Variants in NCKAP5L observed in about 807,000 individuals in gnomAD.
NCKAP5L encodes nck-associated protein 5-like.
NCKAP5L carries 54 observed loss-of-function variants against 103.2 expected under a neutral mutation model. The ratio of observed to expected loss-of-function variants is 0.52; its 90% CI spans 0.42 to 0.66. The LOEUF (loss-of-function observed/expected upper bound fraction) is 0.66. Ranked by LOEUF, NCKAP5L falls within the 30% of genes least tolerant of loss-of-function variation. The pLI, the probability that NCKAP5L is intolerant of heterozygous loss-of-function variation, is 0.00. For missense variants in NCKAP5L, 1,733 were observed against 1,750.6 expected (o/e 0.99, Z 0.18); for synonymous variants, 762 against 748.6 (o/e 1.02, Z -0.29).
intron 1 of NCKAP5L, among the ~76,000 whole-genome samples, chr12:49,827,716 G>C (rs1946434494): frequency 6.6e-6 from 1 of 152,234 alleles, no homozygotes. Context: ...CAGCCCACCA[G>C]GTCCTTCCTC....
intron 1 of NCKAP5L, among the ~76,000 whole-genome samples, chr12:49,812,803 C>T (rs2137028597): frequency 6.6e-6 from 1 of 152,300 alleles, no homozygotes; most frequent in East Asian, 1.9e-4. Context: ...TTGCTATGAT[C>T]ATTTATGTAG....
chr12:49,800,916 G>A (rs1946111361), intron 6 of NCKAP5L, among the ~76,000 whole-genome samples: 1 of 152,192 alleles, frequency 6.6e-6, no homozygotes, highest in Non-Finnish European at 1.5e-5. Context: ...TTGGGCCTCC[G>A]GGGATTCCAG....
At chr12:49,809,887 C>T (rs1223792472) in intron 1 of NCKAP5L, among the ~76,000 whole-genome samples, 1 of 152,130 alleles carries the variant, frequency 6.6e-6, no homozygotes, top group South Asian at 2.1e-4. Flanking sequence ...ACAACTGGTA[C>T]TGGAGACACA....
intron 1 of NCKAP5L, among the ~76,000 whole-genome samples, chr12:49,810,463 T>G (rs991805357): frequency 6.6e-6 from 1 of 152,142 alleles, no homozygotes; most frequent in Admixed American, 6.5e-5. Context: ...GCCAAGTGGT[T>G]GTTGTTCTGC....
chr12:49,798,698 C>T (rs1036657678), intron 6 of NCKAP5L, among the ~76,000 whole-genome samples: 2 of 152,194 alleles, frequency 1.3e-5, no homozygotes, highest in Admixed American at 6.5e-5. Context: ...TTTGGAGAAA[C>T]ATGAATGTCC....
At chr12:49,798,858 T>C (rs888302275) in intron 6 of NCKAP5L, among the ~76,000 whole-genome samples, 2 of 152,194 alleles carry the variant, frequency 1.3e-5, no homozygotes, top group Non-Finnish European at 2.9e-5. Context: ...CTGAGGATCA[T>C]AGGGACAGCT....
chr12:49,793,980 TTAGG>T, intron 8 of NCKAP5L, 84 bp from the exon 9 acceptor site: 1 of 1,265,824 alleles, frequency 7.9e-7, no homozygotes, highest in Non-Finnish European at 1.0e-6. Context: ...GGTGCTGGGC[TTAGG>T]GAGGCACTTC....
rs368288742 is a variant in NCKAP5L, at chr12:49,804,074, C to T, written c.-30G>A. ...CCCTGGGAACAAGGAAGAGAAGCCC[C>T]GGCAGGCTACTCCAGGGAATGAGGA... is the stretch of plus-strand genomic sequence containing the variant. On this transcript the variant is annotated 5_prime_UTR_variant, in exon 3 of 13. Transcript: ENST00000335999. 1,365 of 1,604,398 alleles carry T rather than the reference C, an allele frequency of 8.5e-4. 11 individuals are homozygous for T. Among genetic ancestry groups the T allele is most frequent in the South Asian group, 2.7e-3 (245 of 91,010 alleles).
At position 49,792,864 on chromosome 12, in the gene NCKAP5L, G is replaced by A. The variant is rs1243967463; in HGVS notation, c.3463C>T (p.Pro1155Ser). 1 of 1,548,066 alleles carries A rather than the reference G, an allele frequency of 6.5e-7. No homozygotes were observed. Among genetic ancestry groups the A allele is most frequent in the Non-Finnish European group, 8.7e-7 (1 of 1,152,482 alleles). The change falls in exon 11 of 13, where the codon CCA becomes TCA. Residue 1155 changes from proline (P) to serine (S), a missense_variant. Pro to Ser is a moderately conservative substitution (Grantham distance 74). Coordinates refer to ENST00000335999, the MANE Select transcript of NCKAP5L (RefSeq NM_001037806.4). This position sits in a 1 kb window ranked among gnomAD's most constrained non-coding sequence, Gnocchi z 4.5. ...PKTKPPRLDP[P>S]PGVPPARPPP... ...GGCCGAGCTGGGGGTACCCCAGGTGGGGGATCCAGCCGCGGTGGCTTGGTC... is the reference window on the plus strand; with the variant it reads ...GGCCGAGCTGGGGGTACCCCAGGTGAGGGATCCAGCCGCGGTGGCTTGGTC...
chr12:49,804,080 G>A lies in NCKAP5L; in HGVS notation c.-36C>T, dbSNP rs940196384. ...GAACAAGGAAGAGAAGCCCCGGCAG[G>A]CTACTCCAGGGAATGAGGAGGAAGT... On this transcript the variant is annotated splice_region_variant and 5_prime_UTR_variant, in exon 3 of 13. Transcript: ENST00000335999. The A allele has an allele frequency of 6.2e-7, 1 of 1,603,174 alleles. No homozygotes were observed. Among genetic ancestry groups the A allele is most frequent in the Non-Finnish European group, 8.5e-7 (1 of 1,179,214 alleles).
At chr12:49,798,264 C>T (rs938227852) in intron 7 of NCKAP5L, 86 bp downstream of exon 7, 82 of 1,253,366 alleles carry the variant, frequency 6.5e-5, no homozygotes, top group Middle Eastern at 1.8e-4. Context: ...CCTGGACAAA[C>T]GTCTGAGCAC....
chr12:49,794,766 T>C lies in NCKAP5L; in HGVS notation c.3094A>G (p.Arg1032Gly), dbSNP rs1303630687. Residue 1032 changes from arginine to glycine, a missense_variant and splice_region_variant, in exon 8 of 13, where the codon AGG (arginine) becomes GGG (glycine). By Grantham distance (125) the Arg-to-Gly change is moderately radical. Coordinates refer to ENST00000335999, the MANE Select transcript of NCKAP5L (RefSeq NM_001037806.4). ...TGTTGACTGATCCCAGGACCTCACC[T>C]GTTTAGCAGCTGCTGCATGAAGGTG... ...ADTFMQQLLN[R>G]VDGKELPSKS... The C allele has an allele frequency of 3.3e-6, 5 of 1,507,340 alleles. No individual in the cohort carries two copies. The highest frequency in any genetic ancestry group is 4.4e-6 in the Non-Finnish European group (5 of 1,127,592). 93.4% of individuals were successfully genotyped at this position (1,507,340 alleles called of 1,614,324 possible).
At chr12:49,818,302 C>A (rs1254662454) in intron 1 of NCKAP5L, among the ~76,000 whole-genome samples, 1 of 152,174 alleles carries the variant, frequency 6.6e-6, no homozygotes, top group East Asian at 1.9e-4. Context: ...TAAAAAGCTT[C>A]TGCAGAGCAA....
chr12:49,802,010 G>A, intron 5 of NCKAP5L, 43 bp from the exon 6 acceptor site: 1 of 1,607,802 alleles, frequency 6.2e-7, no homozygotes, highest in Non-Finnish European at 8.5e-7. Context: ...AGGTGAGGAT[G>A]GTGGGAGAGT....
rs371738630 is a variant in NCKAP5L, at chr12:49,796,580, G to A, written c.1280C>T (p.Ser427Leu). 3.2e-5 allele frequency: 52 copies of A among 1,603,040 alleles called. No homozygotes were observed. In the African/African-American group the frequency reaches 6.7e-4, roughly 21 times the overall value. The change falls in exon 8 of 13, where the codon TCA becomes TTA. Residue 427 changes from serine to leucine, a missense_variant. Physicochemically the swap from Ser to Leu is moderately radical, Grantham distance 145. Transcript: ENST00000335999. ...LGSRPGHPHS[S>L]SQVKSKLQIG... Reference sequence around the variant, plus strand: ...TTGGAGCTTGCTTTTCACCTGAGATGAGGAATGGGGGTGGCCAGGCCGAGA... The same window carrying A: ...TTGGAGCTTGCTTTTCACCTGAGATAAGGAATGGGGGTGGCCAGGCCGAGA...
intron 1 of NCKAP5L, among the ~76,000 whole-genome samples, chr12:49,820,220 T>C (rs772191075): frequency 1.3e-5 from 2 of 151,726 alleles, no homozygotes; most frequent in African/African-American, 4.8e-5. Flanking sequence ...TCTGAGACAA[T>C]AGGGCCTGGG....
intron 5 of NCKAP5L, 42 bp from the exon 6 acceptor site, chr12:49,802,009 T>C (rs577030662): frequency 6.2e-7 from 1 of 1,608,756 alleles, no homozygotes; most frequent in South Asian, 1.1e-5. Context: ...GAGGTGAGGA[T>C]GGTGGGAGAG....
At position 49,795,854 on chromosome 12, in the gene NCKAP5L, C is replaced by T; in HGVS notation, c.2006G>A (p.Gly669Glu). The stretch of plus-strand genomic sequence containing the variant: ...CCCCTCGGGGCCTGTCTTCAGCTTC[C>T]CCAGGGCCGCCAGTCTGTCCCGCAG... Reference protein sequence around the residue: ...TPLRDRLAALGKLKTGPEGAL... With the variant: ...TPLRDRLAALEKLKTGPEGAL... The change falls in exon 8 of 13, where the codon GGG becomes GAG. Residue 669 changes from glycine to glutamate, a missense_variant. Physicochemically the swap from Gly to Glu is moderately conservative, Grantham distance 98. Coordinates refer to ENST00000335999, the MANE Select transcript of NCKAP5L (RefSeq NM_001037806.4). The T allele has an allele frequency of 6.4e-7, 1 of 1,566,494 alleles. No homozygotes were observed. Among genetic ancestry groups the T allele is most frequent in the Non-Finnish European group, 8.6e-7 (1 of 1,158,212 alleles).
chr12:49,827,856 C>A (rs996335078), intron 1 of NCKAP5L, among the ~76,000 whole-genome samples: 3 of 152,340 alleles, frequency 2.0e-5, no homozygotes, highest in Middle Eastern at 3.4e-3. Flanking sequence ...GAAAGGGAGC[C>A]CCAGGCTCGT....
Sources: gnomAD v4.1 joint callset for allele counts (sites outside exome capture counted in the v4.1 genomes callset) on GRCh38, gnomAD v4.1.1 for gene constraint, Gnocchi (gnomAD v3.1) non-coding constraint, MANE v1.5 for transcripts, NCBI Gene and HGNC (gene_info 2026-07-23, HGNC 2026-07-21) for gene names.